The following ZFAND3 variants were observed in gnomAD, a reference collection of about 807,000 sequenced individuals.
ZFAND3 encodes zinc finger AN1-type containing 3, also known as AN1-type zinc finger protein 3.
In ZFAND3, 10 loss-of-function variants were observed where a neutral mutation model predicts 29.6. The ratio of observed to expected loss-of-function variants is 0.34; its 90% CI spans 0.21 to 0.57. ZFAND3 has a LOEUF of 0.57. ZFAND3 is among the 20% of genes least tolerant of loss of function. The pLI is 0.86. For missense variants in ZFAND3, 230 were observed against 304.5 expected (o/e 0.76, Z 1.82); for synonymous variants, 128 against 112.6 (o/e 1.14, Z -0.87).
chr6:37,958,299 C>CAA (rs2127423490), intron 2 of ZFAND3, among the ~76,000 whole-genome samples: 1 of 152,112 alleles, frequency 6.6e-6, no homozygotes, highest in South Asian at 2.1e-4. Flanking sequence ...ACTAAAAATA[C>CAA]AAAGATTAGC....
chr6:37,970,629 G>C (rs1012741327), intron 2 of ZFAND3, among the ~76,000 whole-genome samples: 1 of 152,160 alleles, frequency 6.6e-6, no homozygotes, highest in Non-Finnish European at 1.5e-5. Context: ...GGCCAGGCGC[G>C]CGGTGGCTCA....
intron 2 of ZFAND3, among the ~76,000 whole-genome samples, chr6:37,960,747 G>C (rs1453396930): frequency 6.6e-6 from 1 of 151,984 alleles, no homozygotes; most frequent in Non-Finnish European, 1.5e-5. Context: ...ACATTCATCT[G>C]TTCTGAGAGT....
chr6:37,858,008 A>G (rs1236183772), intron 1 of ZFAND3, among the ~76,000 whole-genome samples: 1 of 152,142 alleles, frequency 6.6e-6, no homozygotes, highest in Non-Finnish European at 1.5e-5. Flanking sequence ...CTAGACTAGG[A>G]GTTAGAGTAC....
intron 2 of ZFAND3, among the ~76,000 whole-genome samples, chr6:37,933,770 T>C (rs1426777528): frequency 6.6e-6 from 1 of 152,146 alleles, no homozygotes; most frequent in Non-Finnish European, 1.5e-5. Context: ...TGTTTGTTTG[T>C]TTGTTTGTTT....
At chr6:37,934,529 T>TAAAAAAAAAAAAAAAAAAAAAAAA in intron 2 of ZFAND3, among the ~76,000 whole-genome samples, 1 of 125,380 alleles carries the variant, frequency 8.0e-6, no homozygotes, top group Non-Finnish European at 1.6e-5. Context: ...TTAGTCTATT[T>TAAAAAAAAAAAAAAAAAAAAAAAA]AAAAAAAAAA....
chr6:37,829,187 G>A (rs768331105), intron 1 of ZFAND3, among the ~76,000 whole-genome samples: 12 of 151,688 alleles, frequency 7.9e-5, no homozygotes, highest in Admixed American at 2.0e-4. Flanking sequence ...CCTGTAAATC[G>A]CCACTGCACT....
chr6:37,920,494 A>C (rs1047223743), intron 1 of ZFAND3, among the ~76,000 whole-genome samples: 3 of 152,180 alleles, frequency 2.0e-5, no homozygotes, highest in African/African-American at 7.2e-5. Flanking sequence ...TTTTACATCT[A>C]TACACTATAA....
intron 1 of ZFAND3, among the ~76,000 whole-genome samples, chr6:37,853,727 A>G (rs975919966): frequency 1.3e-5 from 2 of 152,186 alleles, no homozygotes; most frequent in Admixed American, 1.3e-4. Context: ...TGTAATAGGT[A>G]CAGAAGTAGG....
At chr6:37,891,416 T>C (rs1448653455) in intron 1 of ZFAND3, among the ~76,000 whole-genome samples, 53 of 117,084 alleles carry the variant, frequency 4.5e-4, no homozygotes, top group African/African-American at 6.9e-4. Context: ...GAGATTTCAG[T>C]CCCCCCCCCC....
At chr6:37,882,193 CTTTG>C (rs1247365120) in intron 1 of ZFAND3, among the ~76,000 whole-genome samples, 1 of 152,102 alleles carries the variant, frequency 6.6e-6, no homozygotes, top group Non-Finnish European at 1.5e-5. Flanking sequence ...AAGTATTACT[CTTTG>C]TTTGTTTGCC....
chr6:38,076,516 C>G (rs998633817), intron 3 of ZFAND3, among the ~76,000 whole-genome samples: 5 of 152,088 alleles, frequency 3.3e-5, no homozygotes, highest in African/African-American at 9.7e-5. Context: ...ACTTTTGACC[C>G]ACTTTGAAAA....
At position 37,869,338 on chromosome 6, in the gene ZFAND3, T is replaced by C. The variant is rs368541431; in HGVS notation, c.71+49322T>C. 1.6e-4 allele frequency among the ~76,000 whole-genome samples: 25 copies of C among 151,944 alleles called. No individual in the cohort carries two copies. The East Asian group carries it at 4.7e-3, about 28-fold the overall frequency. On this transcript the variant is annotated intron_variant, in intron 1 of 5. Transcript: ENST00000287218. ...CACGCCTGGCTAGTTTCTGTATTTTTAGTAGAGATGGGGTTTCACCATGTT... is the reference window on the plus strand; with the variant it reads ...CACGCCTGGCTAGTTTCTGTATTTTCAGTAGAGATGGGGTTTCACCATGTT...
intron 2 of ZFAND3, among the ~76,000 whole-genome samples, chr6:37,956,030 G>T (rs969610175): frequency 6.6e-6 from 1 of 152,172 alleles, no homozygotes; most frequent in African/African-American, 2.4e-5. Context: ...GACGCAGCTT[G>T]AGATAATTTG....
At chr6:38,134,591 C>T (rs1488270428) in intron 5 of ZFAND3, among the ~76,000 whole-genome samples, 2 of 152,192 alleles carry the variant, frequency 1.3e-5, no homozygotes, top group African/African-American at 4.8e-5. Flanking sequence ...GACAGCCTAA[C>T]ACTGGAGCCT....
chr6:38,140,112 G>A (rs1343982008), intron 5 of ZFAND3, among the ~76,000 whole-genome samples: 1 of 152,220 alleles, frequency 6.6e-6, no homozygotes, highest in Admixed American at 6.5e-5. Context: ...AGATTTGTGA[G>A]GAAGTAGCAA....
At chr6:37,905,019 T>C (rs1765383669) in intron 1 of ZFAND3, among the ~76,000 whole-genome samples, 2 of 152,228 alleles carry the variant, frequency 1.3e-5, no homozygotes, top group South Asian at 4.1e-4. Flanking sequence ...ATAAGTACAA[T>C]TTGGTATGTT....
In ZFAND3 at chr6:37,848,789, CA is replaced by C. The variant is rs534093010; in HGVS notation, c.71+28777del. Reference sequence around the variant, plus strand: ...TGCGTCTTTATGTTTTTTTCTTCCTCAAAATTTTTTTTTAACAATGTTTGGT... The same window carrying C: ...TGCGTCTTTATGTTTTTTTCTTCCTCAAATTTTTTTTTAACAATGTTTGGT... On this transcript the variant is annotated intron_variant, in intron 1 of 5. Transcript: ENST00000287218. Among the ~76,000 whole-genome samples, 263 of 152,132 alleles carry C rather than the reference CA, an allele frequency of 1.7e-3. 1 individual carries two copies. The highest frequency in any genetic ancestry group is 6.0e-3 in the African/African-American group (249 of 41,478).
intron 1 of ZFAND3, among the ~76,000 whole-genome samples, chr6:37,929,416 C>T (rs761929233): frequency 4.0e-5 from 6 of 151,870 alleles, no homozygotes; most frequent in Admixed American, 1.3e-4. Context: ...ATTTGATTGG[C>T]GTATCTGAAG....
chr6:38,089,320 G>T (rs926012194), intron 4 of ZFAND3, among the ~76,000 whole-genome samples: 2 of 151,760 alleles, frequency 1.3e-5, no homozygotes, highest in African/African-American at 2.4e-5. Flanking sequence ...TAGAGACAGG[G>T]TTTCACCATG....
Sources: gnomAD v4.1 joint callset for allele counts (sites outside exome capture counted in the v4.1 genomes callset) on GRCh38, gnomAD v4.1.1 for gene constraint, MANE v1.5 for transcripts, NCBI Gene and HGNC (gene_info 2026-07-23, HGNC 2026-07-21) for gene names.